Variants in FAM204A observed in about 807,000 individuals in gnomAD.
FAM204A encodes the protein family with sequence similarity 204 member A, also known as protein FAM204A.
Under a neutral mutation model 35.4 loss-of-function variants are expected in FAM204A, and 16 were observed. The ratio of observed to expected loss-of-function variants is 0.45; its 90% CI spans 0.31 to 0.69. The LOEUF (loss-of-function observed/expected upper bound fraction) is 0.69. Among genes scored for constraint, FAM204A ranks in the 30% least tolerant of loss-of-function variants. The pLI, the probability that FAM204A is intolerant of heterozygous loss-of-function variation, is 0.07. For missense variants in FAM204A, 240 were observed against 265.7 expected (o/e 0.90, Z 0.67); for synonymous variants, 76 against 86.9 (o/e 0.88, Z 0.70).
intron 7 of FAM204A, chr10:118,322,235 C>T (rs542872740): frequency 2.4e-6 from 1 of 416,496 alleles, no homozygotes; most frequent in African/African-American, 2.0e-5. Context: ...CTCCTAACTC[C>T]CCACAAGACA....
At position 118,306,473 on chromosome 10, in the gene FAM204A, C is replaced by T. The variant is rs963295036; in HGVS notation, c.*4384G>A. 6.6e-6 allele frequency: 1 copy of T among 152,234 alleles called. No homozygotes were observed. The highest frequency in any genetic ancestry group is 6.5e-5 in the Admixed American group (1 of 15,288). 9.4% of individuals were successfully genotyped at this position (152,234 alleles called of 1,614,324 possible). On this transcript the variant is annotated 3_prime_UTR_variant, in exon 9 of 9. Transcript: ENST00000369183. ...ACTTGAATCTAAAAATGAGTTACTA[C>T]TACTACTAATAAAAAGATATTCCTC...
chr10:118,320,164 A>C (rs1342075101), intron 7 of FAM204A, among the ~76,000 whole-genome samples: 1 of 150,210 alleles, frequency 6.7e-6, no homozygotes, highest in Non-Finnish European at 1.5e-5. Context: ...CAATCTAAGT[A>C]ATCGGTAGTA....
chr10:118,311,112 A>G, intron 8 of FAM204A, 95 bp downstream of exon 8: 1 of 1,191,344 alleles, frequency 8.4e-7, no homozygotes, highest in Non-Finnish European at 1.2e-6. Context: ...ATGTAAAATG[A>G]GTTAACAGTT....
intron 6 of FAM204A, among the ~76,000 whole-genome samples, chr10:118,327,947 A>G (rs988068216): frequency 1.3e-5 from 2 of 152,152 alleles, no homozygotes; most frequent in African/African-American, 4.8e-5. Flanking sequence ...TGGGTGACAG[A>G]GCAAGACCCT....
In FAM204A at chr10:118,310,377, C is replaced by T. The variant is rs1845931168; in HGVS notation, c.*480G>A. The T allele has an allele frequency of 6.6e-6, 1 of 151,888 alleles. No individual in the cohort carries two copies. Among genetic ancestry groups the T allele is most frequent in the Non-Finnish European group, 1.5e-5 (1 of 68,526 alleles). 9.4% of individuals were successfully genotyped at this position (151,888 alleles called of 1,614,324 possible). A position where few individuals can be genotyped will look rare whatever the true frequency, so the allele number is the denominator to read the frequency against. On this transcript the variant is annotated 3_prime_UTR_variant, in exon 9 of 9. Transcript: ENST00000369183. ...GCATTTGTCCATAATCCCAGCTACT[C>T]AGGAGGCTGAGGCATGAGAATCACT... is the stretch of plus-strand genomic sequence containing the variant.
rs1009840006 is a variant in FAM204A, at chr10:118,298,141, G to A, written c.*12716C>T. ...ATCTTAAATGTGTGTGGGAGTGAGA[G>A]AGCTAACGTTACGTGTGGCTTTAAA... On this transcript the variant is annotated 3_prime_UTR_variant, in exon 9 of 9. Transcript: ENST00000369183. The A allele has an allele frequency of 6.6e-6, 1 of 152,194 alleles. No homozygotes were observed. Among genetic ancestry groups the A allele is most frequent in the African/African-American group, 2.4e-5 (1 of 41,450 alleles). 9.4% of individuals were successfully genotyped at this position (152,194 alleles called of 1,614,324 possible).
At chr10:118,341,651 C>A (rs1564766517) in intron 2 of FAM204A, 76 bp downstream of exon 2, 1 of 152,252 alleles carries the variant, frequency 6.6e-6, no homozygotes, top group Non-Finnish European at 1.5e-5. Flanking sequence ...GACCCAAGAT[C>A]CTGCATGGAA....
At chr10:118,326,950 T>A (rs1449731467) in intron 6 of FAM204A, among the ~76,000 whole-genome samples, 1 of 152,228 alleles carries the variant, frequency 6.6e-6, no homozygotes, top group Non-Finnish European at 1.5e-5. Context: ...AAATCATAAT[T>A]AATATTTTCA....
intron 7 of FAM204A, among the ~76,000 whole-genome samples, chr10:118,320,603 G>A (rs2133274599): frequency 6.6e-6 from 1 of 151,880 alleles, no homozygotes; most frequent in East Asian, 1.9e-4. Flanking sequence ...TCATCAGTAT[G>A]ACACAAACCT....
At chr10:118,336,575 T>C (rs1846391608) in intron 2 of FAM204A, among the ~76,000 whole-genome samples, 152 bp from the exon 3 acceptor site, 1 of 152,038 alleles carries the variant, frequency 6.6e-6, no homozygotes, top group East Asian at 1.9e-4. Flanking sequence ...TGGCATAGAA[T>C]GAACCTGTTA....
chr10:118,333,547 A>C (rs1260323903), intron 6 of FAM204A, among the ~76,000 whole-genome samples: 2 of 152,200 alleles, frequency 1.3e-5, no homozygotes, highest in Non-Finnish European at 2.9e-5. Flanking sequence ...ACGATCCCAA[A>C]CCAAAGAATG....
rs753240000 is a variant in FAM204A at position 118,311,187 on chromosome 10, A to G, written c.650+20T>C. 1.8e-5 allele frequency: 28 copies of G among 1,593,396 alleles called. No homozygotes were observed. The highest frequency in any genetic ancestry group is 2.4e-5 in the Non-Finnish European group (28 of 1,170,504). On this transcript the variant is annotated intron_variant, in intron 8 of 8. Coordinates refer to ENST00000369183, the MANE Select transcript of FAM204A (RefSeq NM_022063.3). ...TATGAAGTCAGGAGATTTACTACCAAAAATCTTAAGTAAACTCACCCCCAT... is the reference window on the plus strand; with the variant it reads ...TATGAAGTCAGGAGATTTACTACCAGAAATCTTAAGTAAACTCACCCCCAT...
chr10:118,306,880 T>G lies in FAM204A; in HGVS notation c.*3977A>C, dbSNP rs1193280522. On this transcript the variant is annotated 3_prime_UTR_variant, in exon 9 of 9. Transcript: ENST00000369183. Reference sequence around the variant, plus strand: ...ACAGCAGTTAACACTAGAAAATGTGTGTAGGTATTTTTTTCTTTTAAAGCA... The same window carrying G: ...ACAGCAGTTAACACTAGAAAATGTGGGTAGGTATTTTTTTCTTTTAAAGCA... 1.3e-5 allele frequency: 2 copies of G among 152,208 alleles called. No homozygotes were observed. The highest frequency in any genetic ancestry group is 2.9e-5 in the Non-Finnish European group (2 of 68,042). 9.4% of individuals were successfully genotyped at this position (152,208 alleles called of 1,614,324 possible).
In FAM204A at chr10:118,336,427, T is replaced by C. The variant is rs1316093142; in HGVS notation, c.-8-4A>G. On this transcript the variant is annotated splice_region_variant and splice_polypyrimidine_tract_variant and intron_variant, in intron 2 of 8. Transcript: ENST00000369183. ...AGCCCACTCCACATCTTTTCTTCTA[T>C]GAGGAAAAAGATTAATTTACACATG... 5 of 1,597,874 alleles carry C rather than the reference T, an allele frequency of 3.1e-6. No individual in the cohort carries two copies. The highest frequency in any genetic ancestry group is 4.3e-6 in the Non-Finnish European group (5 of 1,173,494).
At position 118,300,153 on chromosome 10, in the gene FAM204A, T is replaced by C. The variant is rs1589714064; in HGVS notation, c.*10704A>G. ...CCTCTAGAAGGAAAAGTTCAGGTGGTTTCTGAACCACGGAAATTGTGTGCA... is the reference window on the plus strand; with the variant it reads ...CCTCTAGAAGGAAAAGTTCAGGTGGCTTCTGAACCACGGAAATTGTGTGCA... On this transcript the variant is annotated 3_prime_UTR_variant, in exon 9 of 9. Transcript: ENST00000369183. The C allele has an allele frequency of 6.6e-6, 1 of 152,138 alleles. No individual in the cohort carries two copies. Among genetic ancestry groups the C allele is most frequent in the Non-Finnish European group, 1.5e-5 (1 of 68,042 alleles). The allele number at this position is 152,138 out of a possible 1,614,324, so 9.4% of individuals were successfully genotyped here. A position where few individuals can be genotyped will look rare whatever the true frequency, so the allele number is the denominator to read the frequency against.
chr10:118,331,650 A>G (rs1242518350), intron 6 of FAM204A, among the ~76,000 whole-genome samples: 1 of 151,992 alleles, frequency 6.6e-6, no homozygotes, highest in Non-Finnish European at 1.5e-5. Flanking sequence ...CTGCTATTAA[A>G]TATTTATTCT....
chr10:118,336,788 T>C (rs11198367), intron 2 of FAM204A, among the ~76,000 whole-genome samples: 1 of 151,974 alleles, frequency 6.6e-6, no homozygotes, highest in African/African-American at 2.4e-5. Context: ...ACAACATACT[T>C]TGCAAGCAAT....
At chr10:118,337,864 G>A (rs1846413057) in intron 2 of FAM204A, among the ~76,000 whole-genome samples, 1 of 152,168 alleles carries the variant, frequency 6.6e-6, no homozygotes, top group South Asian at 2.1e-4. Context: ...CTGTGGCCAT[G>A]TATTACATTT....
At chr10:118,336,050 TA>T in intron 3 of FAM204A, 131 bp downstream of exon 3, 1 of 1,064,010 alleles carries the variant, frequency 9.4e-7, no homozygotes, top group South Asian at 1.7e-5. Flanking sequence ...CAGAGAACAG[TA>T]AAAGCATTCT....
Sources: gnomAD v4.1 joint callset for allele counts (sites outside exome capture counted in the v4.1 genomes callset) on GRCh38, gnomAD v4.1.1 for gene constraint, MANE v1.5 for transcripts, NCBI Gene and HGNC (gene_info 2026-07-23, HGNC 2026-07-21) for gene names.